The following FHIT variants were observed in gnomAD, a reference collection of about 807,000 sequenced individuals.
FHIT encodes the protein fragile histidine triad diadenosine triphosphatase.
FHIT carries 19 observed loss-of-function variants against 17.9 expected under a neutral mutation model. That is an observed-to-expected ratio of 1.06 (90% CI 0.74 to 1.56). The LOEUF is 1.56. Ranked by LOEUF, FHIT falls within the 40% of genes most tolerant of loss-of-function variation. FHIT has a pLI of 0.00. For missense variants in FHIT, 248 were observed against 189.2 expected (o/e 1.31, Z -1.82); for synonymous variants, 81 against 69.7 (o/e 1.16, Z -0.81).
intron 8 of FHIT, among the ~76,000 whole-genome samples, chr3:59,897,409 G>A (rs919280694): frequency 6.6e-6 from 1 of 152,038 alleles, no homozygotes; most frequent in African/African-American, 2.4e-5. Context: ...TAAATAGCAG[G>A]TTTCATGGCT....
chr3:60,645,561 C>G (rs547337959), intron 4 of FHIT, among the ~76,000 whole-genome samples: 11 of 152,258 alleles, frequency 7.2e-5, no homozygotes, highest in African/African-American at 2.6e-4. Flanking sequence ...TCTAAAGAGA[C>G]ATCTTCTCTT....
At position 60,252,859 on chromosome 3, in the gene FHIT, G is replaced by T. The variant is rs191385206; in HGVS notation, c.104-238707C>A. On this transcript the variant is annotated intron_variant, in intron 5 of 9. Transcript: ENST00000492590. ...AAATACAAAAAAAAATTAGCCGGGC[G>T]TGGTGGCGGGTGCCTGTAGTTCCAG... is the stretch of plus-strand genomic sequence containing the variant. 2.0e-5 allele frequency among the ~76,000 whole-genome samples: 3 copies of T among 151,898 alleles called. 1 individual carries two copies. Among genetic ancestry groups the T allele is most frequent in the African/African-American group, 2.4e-5 (1 of 41,450 alleles).
At chr3:59,917,447 A>T (rs1283336316) in intron 8 of FHIT, among the ~76,000 whole-genome samples, 1 of 152,206 alleles carries the variant, frequency 6.6e-6, no homozygotes, top group African/African-American at 2.4e-5. Flanking sequence ...ACATTAGGCC[A>T]TGGGTGTTTC....
Position 59,956,103 on chromosome 3 carries a change from C to T in FHIT, c.280-33689G>A, listed in dbSNP as rs551847663. On this transcript the variant is annotated intron_variant, in intron 7 of 9. Coordinates refer to ENST00000492590, the MANE Select transcript of FHIT (RefSeq NM_002012.4). ...GCTGCATTTCTACTTGCCTATTTTT[C>T]ATACTCGGAACAATCATGCTTTTTG... Among the ~76,000 whole-genome samples, 9 of 152,322 alleles carry T rather than the reference C, an allele frequency of 5.9e-5. No individual in the cohort carries two copies. The East Asian group carries it at 9.6e-4, about 16-fold the overall frequency.
intron 5 of FHIT, among the ~76,000 whole-genome samples, chr3:60,229,433 AAAAAGAAAAAG>A (rs1704382385): frequency 6.6e-6 from 1 of 151,728 alleles, no homozygotes; most frequent in South Asian, 2.1e-4. Context: ...AGAAAAAAAA[AAAAAGAAAAAG>A]AAAAGAAAAG....
At chr3:60,997,821 A>T (rs77510884) in intron 3 of FHIT, among the ~76,000 whole-genome samples, 1,699 of 152,320 alleles carry the variant, frequency 0.011, 32 homozygotes, top group African/African-American at 0.039. Context: ...CTTCTCTGGC[A>T]CTGCAATTGC....
At chr3:61,230,294 C>T (rs1307240883) in intron 1 of FHIT, among the ~76,000 whole-genome samples, 3 of 152,060 alleles carry the variant, frequency 2.0e-5, no homozygotes, top group South Asian at 2.1e-4. Context: ...TTGGTGCTGT[C>T]CTCATAATAG....
chr3:60,948,006 T>A (rs1708711772), intron 3 of FHIT, among the ~76,000 whole-genome samples: 1 of 152,164 alleles, frequency 6.6e-6, no homozygotes, highest in African/African-American at 2.4e-5. Flanking sequence ...TAATAAACCC[T>A]AAAATATATA....
At chr3:60,608,877 T>C (rs1553672255) in intron 4 of FHIT, among the ~76,000 whole-genome samples, 1 of 152,166 alleles carries the variant, frequency 6.6e-6, no homozygotes, top group African/African-American at 2.4e-5. Context: ...ATTTTTGTGT[T>C]TCCCTTCTCT....
At chr3:61,011,513 G>A in intron 3 of FHIT, among the ~76,000 whole-genome samples, 1 of 151,964 alleles carries the variant, frequency 6.6e-6, no homozygotes, top group Non-Finnish European at 1.5e-5. Context: ...CCCTAACTTA[G>A]GCTGTTACGT....
At chr3:59,927,212 T>C (rs58538301) in intron 7 of FHIT, among the ~76,000 whole-genome samples, 3 of 152,078 alleles carry the variant, frequency 2.0e-5, no homozygotes, top group East Asian at 1.9e-4. Flanking sequence ...CGGCCACATA[T>C]TGTACCATGC....
At chr3:59,852,679 A>G (rs368989434) in intron 8 of FHIT, among the ~76,000 whole-genome samples, 89 of 152,198 alleles carry the variant, frequency 5.8e-4, no homozygotes, top group Middle Eastern at 3.4e-3. Flanking sequence ...CCGCCTATTC[A>G]TCCCTCCCTC....
At position 60,086,146 on chromosome 3, in the gene FHIT, G is replaced by A. The variant is rs79639799; in HGVS notation, c.104-71994C>T. Among the ~76,000 whole-genome samples, 1,381 of 152,198 alleles carry A rather than the reference G, an allele frequency of 9.1e-3. 20 individuals are homozygous for A. Among genetic ancestry groups the A allele is most frequent in the African/African-American group, 0.031 (1,307 of 41,528 alleles). On this transcript the variant is annotated intron_variant, in intron 5 of 9. Transcript: ENST00000492590. Reference sequence around the variant, plus strand: ...ATGGTGAGAGAGGAAGCAAGAGAGAGAGTAAAAGGGTGGGGGGATGCCAGG... The same window carrying A: ...ATGGTGAGAGAGGAAGCAAGAGAGAAAGTAAAAGGGTGGGGGGATGCCAGG...
chr3:60,810,083 A>T (rs1553735638), intron 4 of FHIT, among the ~76,000 whole-genome samples: 1 of 152,216 alleles, frequency 6.6e-6, no homozygotes, highest in East Asian at 1.9e-4. Context: ...ATTTCGCAAG[A>T]CTAAAATCCA....
intron 4 of FHIT, chr3:60,617,200 C>T (rs564884649): frequency 8.1e-4 from 152 of 186,732 alleles, no homozygotes; most frequent in African/African-American, 3.3e-3. Context: ...CACTCTTGAA[C>T]GTCTTTCAAA....
chr3:60,862,669 G>A (rs956516893), intron 3 of FHIT, among the ~76,000 whole-genome samples: 1 of 151,908 alleles, frequency 6.6e-6, no homozygotes, highest in Non-Finnish European at 1.5e-5. Context: ...GGCCAATATG[G>A]TGAAACCCCC....
At chr3:60,543,425 G>T (rs1406923895) in intron 4 of FHIT, among the ~76,000 whole-genome samples, 1 of 152,174 alleles carries the variant, frequency 6.6e-6, no homozygotes, top group Non-Finnish European at 1.5e-5. Context: ...TAAGATGGGT[G>T]AGGGGAATGT....
At chr3:60,337,260 C>T (rs2106881192) in intron 5 of FHIT, among the ~76,000 whole-genome samples, 1 of 151,736 alleles carries the variant, frequency 6.6e-6, no homozygotes, top group Non-Finnish European at 1.5e-5. Flanking sequence ...TTTTTCCGCC[C>T]ACTAGGAAGA....
At chr3:60,727,069 C>T (rs963943417) in intron 4 of FHIT, among the ~76,000 whole-genome samples, 7 of 152,156 alleles carry the variant, frequency 4.6e-5, no homozygotes, top group Non-Finnish European at 1.0e-4. Context: ...ATTTTCAGTA[C>T]TGTCTGTTGT....
Sources: gnomAD v4.1 joint callset for allele counts (sites outside exome capture counted in the v4.1 genomes callset) on GRCh38, gnomAD v4.1.1 for gene constraint, MANE v1.5 for transcripts, NCBI Gene and HGNC (gene_info 2026-07-23, HGNC 2026-07-21) for gene names.